Variants in ITPRID2 observed in about 807,000 individuals in gnomAD.
ITPRID2 encodes protein ITPRID2.
ITPRID2 carries 60 observed loss-of-function variants against 124.3 expected under a neutral mutation model. The ratio of observed to expected loss-of-function variants is 0.48; its 90% CI spans 0.39 to 0.60. ITPRID2 has a LOEUF of 0.60. ITPRID2 is among the 20% of genes least tolerant of loss of function. ITPRID2 has a pLI of 0.00. For synonymous variants in ITPRID2, 521 were observed against 542.9 expected (o/e 0.96, Z 0.56); for missense variants, 1,553 against 1,512.2 (o/e 1.03, Z -0.45).
intron 17 of ITPRID2, among the ~76,000 whole-genome samples, chr2:181,929,238 A>G (rs1174886895): frequency 6.6e-6 from 1 of 151,816 alleles, no homozygotes; most frequent in East Asian, 1.9e-4. Flanking sequence ...AAAAAGAAAG[A>G]ATAAGTTGAG....
rs1387401281 is a variant in ITPRID2 at position 181,930,704 on chromosome 2, T to C, written c.*1157T>C. 2 of 152,490 alleles carry C rather than the reference T, an allele frequency of 1.3e-5. No individual in the cohort carries two copies. The highest frequency in any genetic ancestry group is 2.9e-5 in the Non-Finnish European group (2 of 68,006). 9.4% of individuals were successfully genotyped at this position (152,490 alleles called of 1,614,324 possible). ...CAAAGGCTGATTTCTAAAATATATA[T>C]ATATTAAAACAATAAAGTATTTATT... On this transcript the variant is annotated 3_prime_UTR_variant, in exon 18 of 18. Transcript: ENST00000431877.
Position 181,909,943 on chromosome 2 carries a change from C to A in ITPRID2, c.1458C>A (p.Tyr486Ter), listed in dbSNP as rs763606130. Residue 486 changes from tyrosine (Y) to a stop codon, truncating the protein, a stop_gained, in exon 9 of 18, where the codon TAC becomes TAA. Transcript: ENST00000431877. LOFTEE classifies it high-confidence loss of function. ...EGEAPHVPAT[Y>*]QLGLTKSKRD... is the part of the protein sequence containing the mutation. The stretch of plus-strand genomic sequence containing the variant: ...AAGCTCCTCATGTTCCAGCCACTTA[C>A]CAGCTAGGTCTTACGAAGTCGAAAA... 3.1e-6 allele frequency: 5 copies of A among 1,613,138 alleles called. No homozygotes were observed. Among genetic ancestry groups the A allele is most frequent in the Non-Finnish European group, 4.2e-6 (5 of 1,179,344 alleles).
chr2:181,903,818 C>T (rs1692874900), intron 8 of ITPRID2, among the ~76,000 whole-genome samples: 1 of 152,054 alleles, frequency 6.6e-6, no homozygotes, highest in Non-Finnish European at 1.5e-5. Context: ...TTCTTTTTCA[C>T]TCTGATAACT....
intron 2 of ITPRID2, among the ~76,000 whole-genome samples, chr2:181,895,763 T>A (rs1473513790): frequency 3.9e-5 from 6 of 152,034 alleles, no homozygotes. Flanking sequence ...CCAATTCAAA[T>A]CATTTGTCAT....
Position 181,913,830 on chromosome 2 carries a change from T to G in ITPRID2, c.1487-15T>G. Reference sequence around the variant, plus strand: ...AGATCATCTGTTTCTTATAGCCACATTTTTTTATTCATAGATCATCTGTTA... The same window carrying G: ...AGATCATCTGTTTCTTATAGCCACAGTTTTTTATTCATAGATCATCTGTTA... On this transcript the variant is annotated splice_polypyrimidine_tract_variant and intron_variant, in intron 9 of 17. Transcript: ENST00000431877. 2 of 1,591,972 alleles carry G rather than the reference T, an allele frequency of 1.3e-6. No individual in the cohort carries two copies. The highest frequency in any genetic ancestry group is 8.6e-7 in the Non-Finnish European group (1 of 1,169,242).
At chr2:181,911,474 T>G (rs1320175850) in intron 9 of ITPRID2, among the ~76,000 whole-genome samples, 1 of 152,208 alleles carries the variant, frequency 6.6e-6, no homozygotes, top group Non-Finnish European at 1.5e-5. Context: ...TTTTTCTTAT[T>G]AAAGAAGACA....
Position 181,918,789 on chromosome 2 carries a change from G to A in ITPRID2, c.2900G>A (p.Ser967Asn). The change falls in exon 13 of 18, where the codon AGC becomes AAC. Residue 967 changes from serine to asparagine, a missense_variant. Physicochemically the swap from Ser to Asn is conservative, Grantham distance 46. Transcript: ENST00000431877. ...TFQELQVMRR[S>N]LNLFRTQMMD... ...CAGGAGCTCCAGGTAATGAGGCGGAGCCTGAATTTGTTTAGAACACAAATG... is the reference window on the plus strand; with the variant it reads ...CAGGAGCTCCAGGTAATGAGGCGGAACCTGAATTTGTTTAGAACACAAATG... 1 of 1,614,162 alleles carries A rather than the reference G, an allele frequency of 6.2e-7. No individual in the cohort carries two copies.
At chr2:181,918,428 G>T in intron 11 of ITPRID2, 170 bp from the exon 12 acceptor site, 1 of 1,441,468 alleles carries the variant, frequency 6.9e-7, no homozygotes, top group Non-Finnish European at 9.1e-7. Context: ...AGTACTAGGT[G>T]TCATTGGGAA....
In ITPRID2 at chr2:181,901,747, A is replaced by G; in HGVS notation, c.713-19A>G. 1 of 1,536,922 alleles carries G rather than the reference A, an allele frequency of 6.5e-7. No homozygotes were observed. Reference sequence around the variant, plus strand: ...ATATATAAATATAAACATATCATTAATATTGTTTCTTTTGGTAGGCCGTTT... The same window carrying G: ...ATATATAAATATAAACATATCATTAGTATTGTTTCTTTTGGTAGGCCGTTT... On this transcript the variant is annotated intron_variant, in intron 7 of 17. Transcript: ENST00000431877.
chr2:181,922,355 T>A lies in ITPRID2; in HGVS notation c.3618T>A (p.Ala1206=), dbSNP rs1357915512. ...ATGGAAAACTCCCATCAATGCCAGC[T>A]GCTGAGGAAATGCATAAAAATGTGG... is the stretch of plus-strand genomic sequence containing the variant. ...EGHGKLPSMP[A]AEEMHKNVEQ... The change falls in exon 16 of 18, where the codon GCT becomes GCA. Residue 1206 remains alanine, a synonymous_variant. Transcript: ENST00000431877. 5 of 1,613,974 alleles carry A rather than the reference T, an allele frequency of 3.1e-6. No homozygotes were observed. The African/African-American group carries it at 5.3e-5, about 17-fold the overall frequency.
At position 181,922,227 on chromosome 2, in the gene ITPRID2, G is replaced by A. The variant is rs760592905; in HGVS notation, c.3490G>A (p.Gly1164Ser). ...ALTPTAPSRTGSVQTPPDLES... is the reference protein window; with the variant it reads ...ALTPTAPSRTSSVQTPPDLES... ...AACGCCAACAGCTCCTTCTAGAACA[G>A]GCTCTGTGCAGACACCTCCAGATTT... The change falls in exon 16 of 18, where the codon GGC (glycine) becomes AGC (serine). Residue 1164 changes from glycine (G) to serine (S), a missense_variant. By Grantham distance (56) the Gly-to-Ser change is moderately conservative (BLOSUM62 0). Transcript: ENST00000431877. 1.2e-6 allele frequency: 2 copies of A among 1,614,258 alleles called. No homozygotes were observed. The highest frequency in any genetic ancestry group is 4.5e-5 in the East Asian group (2 of 44,892).
chr2:181,898,995 A>G lies in ITPRID2; in HGVS notation c.405-19A>G, dbSNP rs750595724. On this transcript the variant is annotated intron_variant, in intron 5 of 17. Transcript: ENST00000431877. ...AAAATAAAGTTATAAAGTTTTATAT[A>G]ATCTGATTTTGTTCGTAGCAATAAT... 2 of 1,600,296 alleles carry G rather than the reference A, an allele frequency of 1.2e-6. No individual in the cohort carries two copies. Among genetic ancestry groups the G allele is most frequent in the East Asian group, 2.2e-5 (1 of 44,764 alleles).
rs769512161 is a variant in ITPRID2 at position 181,916,188 on chromosome 2, C to T, written c.2548C>T (p.His850Tyr). ...GTCTACCTGTTCCCTTCATTCCATC[C>T]ACTCTGAGTGGCAAGAAAGGCCCCT... ...SQSTCSLHSI[H>Y]SEWQERPLCE... is the part of the protein sequence containing the mutation. The change falls in exon 11 of 18, where the codon CAC (histidine) becomes TAC (tyrosine). Residue 850 changes from histidine to tyrosine, a missense_variant. Coordinates refer to ENST00000431877, the MANE Select transcript of ITPRID2 (RefSeq NM_001130445.3). 11 of 1,614,196 alleles carry T rather than the reference C, an allele frequency of 6.8e-6. No homozygotes were observed. The highest frequency in any genetic ancestry group is 9.3e-6 in the Non-Finnish European group (11 of 1,180,028).
rs1397963184 is a variant in ITPRID2, at chr2:181,902,786, T to C, written c.1413+320T>C. Among the ~76,000 whole-genome samples the C allele has an allele frequency of 6.6e-6, 1 of 152,208 alleles. No homozygotes were observed. Among genetic ancestry groups the C allele is most frequent in the African/African-American group, 2.4e-5 (1 of 41,458 alleles). On this transcript the variant is annotated intron_variant, in intron 8 of 17. Transcript: ENST00000431877. This position sits in a 1 kb window ranked among gnomAD's most constrained non-coding sequence, Gnocchi z 4.4. Reference sequence around the variant, plus strand: ...AGTATATTTAAATTCAAAGCAATATTGCATAATAGTTAGAAACACAGGCTT... The same window carrying C: ...AGTATATTTAAATTCAAAGCAATATCGCATAATAGTTAGAAACACAGGCTT...
In ITPRID2 at chr2:181,892,372, G is replaced by C; in HGVS notation, c.211+95G>C. 7.3e-7 allele frequency: 1 copy of C among 1,374,650 alleles called. No homozygotes were observed. The highest frequency in any genetic ancestry group is 9.8e-7 in the Non-Finnish European group (1 of 1,025,484). The allele number at this position is 1,374,650 out of a possible 1,614,324, so 85.2% of individuals were successfully genotyped here. On this transcript the variant is annotated intron_variant, in intron 1 of 17. Coordinates refer to ENST00000431877, the MANE Select transcript of ITPRID2 (RefSeq NM_001130445.3). The surrounding 1 kb of genome is among the most constrained non-coding windows in gnomAD (Gnocchi z 5.2). Reference sequence around the variant, plus strand: ...CTGCCACGAGTTCTGGGAGAGCCTCGGGCACGGTAGGCCGAGGGGAGAGGG... The same window carrying C: ...CTGCCACGAGTTCTGGGAGAGCCTCCGGCACGGTAGGCCGAGGGGAGAGGG...
chr2:181,916,498 A>G (rs1694067234), intron 11 of ITPRID2, 71 bp downstream of exon 11: 3 of 1,513,616 alleles, frequency 2.0e-6, no homozygotes, highest in Admixed American at 4.0e-5. Flanking sequence ...TTCACAGAGA[A>G]GCTAAGGCAC....
At chr2:181,924,888 G>A (rs976007688) in intron 16 of ITPRID2, among the ~76,000 whole-genome samples, 1 of 152,220 alleles carries the variant, frequency 6.6e-6, no homozygotes, top group Non-Finnish European at 1.5e-5. Context: ...CATCTGTGAT[G>A]TATGTGATCA....
rs1693280229 is a variant in ITPRID2, at chr2:181,907,886, CAGCTTTTTGA to C, written c.1414-2010_1414-2001del. 6.6e-6 allele frequency among the ~76,000 whole-genome samples: 1 copy of C among 152,266 alleles called. No individual in the cohort carries two copies. The highest frequency in any genetic ancestry group is 1.9e-4 in the East Asian group (1 of 5,184). On this transcript the variant is annotated intron_variant, in intron 8 of 17. Coordinates refer to ENST00000431877, the MANE Select transcript of ITPRID2 (RefSeq NM_001130445.3). The surrounding 1 kb of genome is among the most constrained non-coding windows in gnomAD (Gnocchi z 5.1). The stretch of plus-strand genomic sequence containing the variant: ...TTTTATTAGTAAAATGTGACTGTCT[CAGCTTTTTGA>C]AGTGCTCCTTTCTTGCACTTAATTA...
rs1360817954 is a variant in ITPRID2 at position 181,910,978 on chromosome 2, G to T, written c.1486+1007G>T. On this transcript the variant is annotated intron_variant, in intron 9 of 17. Transcript: ENST00000431877. The surrounding 1 kb of genome is among the most constrained non-coding windows in gnomAD (Gnocchi z 4.1). ...GTTTGCTTTAGATAGGTAGACAGGGGATACATTGGAAAAAGCAGCTTGCCA... is the reference window on the plus strand; with the variant it reads ...GTTTGCTTTAGATAGGTAGACAGGGTATACATTGGAAAAAGCAGCTTGCCA... Among the ~76,000 whole-genome samples, 1 of 152,060 alleles carries T rather than the reference G, an allele frequency of 6.6e-6. No individual in the cohort carries two copies. The highest frequency in any genetic ancestry group is 1.5e-5 in the Non-Finnish European group (1 of 67,978).
Sources: gnomAD v4.1 joint callset for allele counts (sites outside exome capture counted in the v4.1 genomes callset) on GRCh38, gnomAD v4.1.1 for gene constraint, Gnocchi (gnomAD v3.1) non-coding constraint, MANE v1.5 for transcripts, NCBI Gene and HGNC (gene_info 2026-07-23, HGNC 2026-07-21) for gene names.